TMEM272: variants seen among roughly 807,000 people sequenced by gnomAD.
TMEM272 encodes the protein transmembrane protein 272, also known as long intergenic non-protein coding RNA 282.
In TMEM272, 8 loss-of-function variants were observed where a neutral mutation model predicts 3.7. That is an observed-to-expected ratio of 2.17 (90% CI 1.27 to 3.91). TMEM272 has a LOEUF of 3.91. Among genes scored for constraint, TMEM272 ranks in the 30% most tolerant of loss-of-function variants. The pLI is 0.00. For synonymous variants in TMEM272, 63 were observed against 39.8 expected (o/e 1.58, Z -2.20); for missense variants, 166 against 91.5 (o/e 1.81, Z -3.32).
chr13:51,917,542 C>T, the TMEM272 span, among the ~76,000 whole-genome samples: 1 of 152,162 alleles, frequency 6.6e-6, no homozygotes, highest in African/African-American at 2.4e-5. Flanking sequence ...GAGCTGTTTT[C>T]TGGGAGATGC....
the TMEM272 span, among the ~76,000 whole-genome samples, chr13:51,887,342 T>C: frequency 6.6e-6 from 1 of 152,118 alleles, no homozygotes; most frequent in Admixed American, 6.5e-5. Flanking sequence ...TTCTTAGACA[T>C]CCTTAAGCTG....
chr13:51,930,763 AC>A, the TMEM272 span, among the ~76,000 whole-genome samples: 1 of 151,626 alleles, frequency 6.6e-6, no homozygotes, highest in African/African-American at 2.4e-5. Flanking sequence ...AAAAAAAAAA[AC>A]CCCTGCAATT....
intron 2 of TMEM272, among the ~76,000 whole-genome samples, chr13:51,837,140 A>C (rs1247659126): frequency 6.6e-6 from 1 of 152,208 alleles, no homozygotes; most frequent in African/African-American, 2.4e-5. Flanking sequence ...CATTAGGCCA[A>C]GGTTGGCCTA....
At chr13:51,893,657 GATCAGC>G in the TMEM272 span, among the ~76,000 whole-genome samples, 2 of 151,998 alleles carry the variant, frequency 1.3e-5, no homozygotes, top group East Asian at 3.9e-4. Context: ...ACATTCAAAT[GATCAGC>G]ATCAGCTGAA....
the TMEM272 span, among the ~76,000 whole-genome samples, chr13:51,872,814 TGA>T: frequency 6.6e-6 from 1 of 152,258 alleles, no homozygotes; most frequent in East Asian, 1.9e-4. Context: ...GTCAAAATTC[TGA>T]GAGAAATGAT....
Position 51,816,876 on chromosome 13 carries a change from T to C in TMEM272, c.439A>G (p.Lys147Glu). Reference protein sequence around the residue: ...PFQQPQDYCDKTLYLFAVGVL... With the variant: ...PFQQPQDYCDETLYLFAVGVL... The stretch of plus-strand genomic sequence containing the variant: ...CCGACTGCAAAGAGGTACAGGGTTT[T>C]GTCACAGTAGTCCTGAGGCTGCTGG... Residue 147 changes from lysine (K) to glutamate (E), a missense_variant, in exon 5 of 5, where the codon AAA (lysine) becomes GAA (glutamate). Lys to Glu is a moderately conservative substitution (Grantham distance 56, BLOSUM62 1). Transcript: ENST00000629372. 1.4e-6 allele frequency: 1 copy of C among 703,016 alleles called. No homozygotes were observed. Among genetic ancestry groups the C allele is most frequent in the Non-Finnish European group, 2.6e-6 (1 of 385,008 alleles). The allele number at this position is 703,016 out of a possible 1,614,324, so 43.5% of individuals were successfully genotyped here. A position where few individuals can be genotyped will look rare whatever the true frequency, so the allele number is the denominator to read the frequency against.
chr13:51,878,012 GA>G, the TMEM272 span, among the ~76,000 whole-genome samples: 1 of 152,212 alleles, frequency 6.6e-6, no homozygotes, highest in Non-Finnish European at 1.5e-5. Flanking sequence ...CGGGGCTGAA[GA>G]GTTCCACAGG....
At chr13:51,860,175 T>G in the TMEM272 span, among the ~76,000 whole-genome samples, 1 of 152,196 alleles carries the variant, frequency 6.6e-6, no homozygotes, top group East Asian at 1.9e-4. Flanking sequence ...GTGCTAGGAT[T>G]ACAGGCATGA....
the TMEM272 span, among the ~76,000 whole-genome samples, chr13:51,924,518 C>CTGTT: frequency 2.6e-5 from 4 of 152,170 alleles, no homozygotes; most frequent in Admixed American, 6.5e-5. Context: ...CCCATCTGCC[C>CTGTT]TGTTATTCTT....
chr13:51,830,462 G>GT (rs1216954237), intron 2 of TMEM272, among the ~76,000 whole-genome samples: 1 of 152,148 alleles, frequency 6.6e-6, no homozygotes, highest in African/African-American at 2.4e-5. Context: ...AACCTCTGAG[G>GT]TTTCAATGTC....
chr13:51,825,349 G>A (rs1956115060), intron 3 of TMEM272, among the ~76,000 whole-genome samples: 1 of 152,162 alleles, frequency 6.6e-6, no homozygotes, highest in African/African-American at 2.4e-5. Context: ...GCTTTAGCAG[G>A]GGTGGCAGGG....
chr13:51,905,255 G>C, the TMEM272 span, among the ~76,000 whole-genome samples: 3 of 152,004 alleles, frequency 2.0e-5, no homozygotes, highest in Non-Finnish European at 2.9e-5. Context: ...CACGACACTG[G>C]ACGAGGGCCC....
At chr13:51,832,008 G>A (rs959277370) in intron 2 of TMEM272, among the ~76,000 whole-genome samples, 16 of 152,198 alleles carry the variant, frequency 1.1e-4, no homozygotes, top group Admixed American at 1.0e-3. Context: ...AAACGTTGGA[G>A]TCAAGTCATT....
chr13:51,848,451 G>T (rs554197419), upstream of TMEM272, among the ~76,000 whole-genome samples: 45 of 152,262 alleles, frequency 3.0e-4, no homozygotes, highest in African/African-American at 1.0e-3. Context: ...TGAATTCAGA[G>T]TATAAATTTT....
At chr13:51,923,559 G>A in the TMEM272 span, among the ~76,000 whole-genome samples, 1 of 152,144 alleles carries the variant, frequency 6.6e-6, no homozygotes, top group East Asian at 1.9e-4. Context: ...ATGCTTTGGG[G>A]CTGGCGCTGT....
At chr13:51,865,319 G>A in the TMEM272 span, 1 of 1,400,226 alleles carries the variant, frequency 7.1e-7, no homozygotes, top group Non-Finnish European at 9.7e-7. Context: ...TGTCTTTTCT[G>A]CTGCCCCCAC....
At chr13:51,888,337 C>T in the TMEM272 span, among the ~76,000 whole-genome samples, 4 of 152,130 alleles carry the variant, frequency 2.6e-5, no homozygotes, top group African/African-American at 7.2e-5. Context: ...TGAACCACTG[C>T]GCCCAGCCTA....
chr13:51,901,411 G>A, the TMEM272 span, among the ~76,000 whole-genome samples: 5 of 151,984 alleles, frequency 3.3e-5, no homozygotes, highest in Non-Finnish European at 5.9e-5. Context: ...GGTGGCGCCC[G>A]GTGGAGCTGC....
the TMEM272 span, among the ~76,000 whole-genome samples, chr13:51,856,074 T>C: frequency 4.6e-5 from 7 of 152,194 alleles, no homozygotes; most frequent in Non-Finnish European, 8.8e-5. Flanking sequence ...AGAGTTTTTA[T>C]AGATGATTTG....
Sources: gnomAD v4.1 joint callset for allele counts (sites outside exome capture counted in the v4.1 genomes callset) on GRCh38, gnomAD v4.1.1 for gene constraint, MANE v1.5 for transcripts, NCBI Gene and HGNC (gene_info 2026-07-23, HGNC 2026-07-21) for gene names.